The following PPP2R3B variants were observed in gnomAD, a reference collection of about 807,000 sequenced individuals.
PPP2R3B encodes serine/threonine-protein phosphatase 2A regulatory subunit B'' subunit beta.
Under a neutral mutation model 72.9 loss-of-function variants are expected in PPP2R3B, and 68 were observed. That is an observed-to-expected ratio of 0.93 (90% CI 0.77 to 1.14). The LOEUF (loss-of-function observed/expected upper bound fraction) is 1.14, where lower values mean the gene tolerates loss of function less well. PPP2R3B is among the 50% of genes most tolerant of loss of function. The pLI, the probability that PPP2R3B is intolerant of heterozygous loss-of-function variation, is 0.00. For synonymous variants in PPP2R3B, 466 were observed against 375.8 expected (o/e 1.24, Z -2.78); for missense variants, 1,018 against 842.0 (o/e 1.21, Z -2.59).
intron 1 of PPP2R3B, among the ~76,000 whole-genome samples, chrX:372,693 T>TGGGTG (rs2071892225): frequency 6.6e-6 from 1 of 152,200 alleles, no homozygotes; most frequent in Non-Finnish European, 1.5e-5. Flanking sequence ...GGGTGGAGGC[T>TGGGTG]CACGCCCCTA....
chrX:363,643 GTCATCTCCCTGTGCCCACC>G (rs2071608586), intron 1 of PPP2R3B, among the ~76,000 whole-genome samples: 4 of 4,942 alleles, frequency 8.1e-4, no homozygotes, highest in African/African-American at 6.1e-4. Context: ...CCATCCCACA[GTCATCTCCCTGTGCCCACC>G]ATCCCACAAT....
At chrX:337,911 C>T (rs2070934477) in intron 12 of PPP2R3B, 1 of 154,482 alleles carries the variant, frequency 6.5e-6, no homozygotes, top group Non-Finnish European at 1.4e-5. Context: ...GGGAAGGTTA[C>T]TCAAGAGGAC....
chrX:341,681 C>T lies in PPP2R3B; in HGVS notation c.1085+202G>A. 9 of 693,698 alleles carry T rather than the reference C, an allele frequency of 1.3e-5. 1 individual carries two copies. Among genetic ancestry groups the T allele is most frequent in the Middle Eastern group, 8.1e-4 (2 of 2,474 alleles). 43.0% of individuals were successfully genotyped at this position (693,698 alleles called of 1,614,324 possible). On this transcript the variant is annotated intron_variant, in intron 8 of 12. Transcript: ENST00000390665. The stretch of plus-strand genomic sequence containing the variant: ...ACCTGGGGCCTGGGCCACCCCCTTC[C>T]TCAGACTTCGCGTGACAGTCTTGTG...
rs973955165 is a variant in PPP2R3B at position 371,958 on chromosome X, C to T, written c.325-10368G>A. Among the ~76,000 whole-genome samples the T allele has an allele frequency of 2.0e-5, 3 of 152,216 alleles. No individual in the cohort carries two copies. The East Asian group carries it at 5.8e-4, about 29-fold the overall frequency. On this transcript the variant is annotated intron_variant, in intron 1 of 12. Coordinates refer to ENST00000390665, the MANE Select transcript of PPP2R3B (RefSeq NM_013239.5). ...GAAGCAAACTTCTGTAAACGGAATTCATGATTTCCCAGAAACTGACTTTTT... is the reference window on the plus strand; with the variant it reads ...GAAGCAAACTTCTGTAAACGGAATTTATGATTTCCCAGAAACTGACTTTTT...
intron 1 of PPP2R3B, among the ~76,000 whole-genome samples, chrX:379,324 C>CACCTGTTATGCACCT (rs1569418308): frequency 8.9e-4 from 126 of 142,086 alleles, no homozygotes; most frequent in African/African-American, 3.5e-3. Context: ...TGTGTGTATG[C>CACCTGTTATGCACCT]GTGTGTATGC....
At chrX:345,083 A>C in intron 7 of PPP2R3B, 1 of 450,008 alleles carries the variant, frequency 2.2e-6, no homozygotes, top group Non-Finnish European at 4.4e-6. Context: ...GCGGAGGTAT[A>C]TGAACGACCG....
At position 380,210 on chromosome X, in the gene PPP2R3B, A is replaced by G. The variant is rs1339986652; in HGVS notation, c.324+6158T>C. ...TAAGACACAAAAAATAAGAGTCATA[A>G]AAGAAAAAAGTTGAAAAACTAAACA... On this transcript the variant is annotated intron_variant, in intron 1 of 12. Transcript: ENST00000390665. 2.6e-5 allele frequency among the ~76,000 whole-genome samples: 4 copies of G among 152,230 alleles called. No individual in the cohort carries two copies. In the South Asian group the frequency reaches 6.2e-4, roughly 24 times the overall value.
chrX:346,041 A>AGGGGGGGGTGGG (rs2071198939), intron 6 of PPP2R3B, 133 bp downstream of exon 6: 2 of 465,524 alleles, frequency 4.3e-6, no homozygotes, highest in East Asian at 3.7e-5. Flanking sequence ...AGCGCGGTGG[A>AGGGGGGGGTGGG]GGTGGGGGTG....
chrX:379,774 C>G (rs2072084771), intron 1 of PPP2R3B, among the ~76,000 whole-genome samples: 2 of 152,156 alleles, frequency 1.3e-5, no homozygotes, highest in South Asian at 4.1e-4. Context: ...CTAAATTGAT[C>G]CACAGATTCA....
At chrX:381,789 A>G (rs914677297) in intron 1 of PPP2R3B, among the ~76,000 whole-genome samples, 18 of 151,768 alleles carry the variant, frequency 1.2e-4, no homozygotes, top group Middle Eastern at 3.2e-3. Context: ...TAGTAGAGAC[A>G]GGGTTTCACT....
chrX:341,019 C>T, intron 9 of PPP2R3B, 79 bp from the exon 10 acceptor site: 2 of 1,540,888 alleles, frequency 1.3e-6, no homozygotes, highest in Admixed American at 1.8e-5. Flanking sequence ...GCAGCCCCCA[C>T]CGGGGGTGCA....
At chrX:379,398 G>C (rs889767763) in intron 1 of PPP2R3B, among the ~76,000 whole-genome samples, 3 of 151,266 alleles carry the variant, frequency 2.0e-5, no homozygotes, top group Admixed American at 6.6e-5. Flanking sequence ...ACCTATGTGT[G>C]TATGCACCTA....
Position 338,588 on chromosome X carries a change from C to A in PPP2R3B, c.1577+16G>T, listed in dbSNP as rs199622157. On this transcript the variant is annotated intron_variant, in intron 12 of 12. Coordinates refer to ENST00000390665, the MANE Select transcript of PPP2R3B (RefSeq NM_013239.5). ...CCACTGACCCGTCCCCCCACTCACC[C>A]GTCCTCCCCACTCACCCGTCCTCCC... 6.3e-7 allele frequency: 1 copy of A among 1,584,558 alleles called. No homozygotes were observed. The highest frequency in any genetic ancestry group is 8.6e-7 in the Non-Finnish European group (1 of 1,165,682).
chrX:334,075 CCA>C lies in PPP2R3B; in HGVS notation c.*290_*291del, dbSNP rs1296187467. The stretch of plus-strand genomic sequence containing the variant: ...ACCGTTGTGCGCACACGGACCCTTT[CCA>C]CAGACGCAGGCCCCGGAACCCAGGC... On this transcript the variant is annotated 3_prime_UTR_variant, in exon 13 of 13. Transcript: ENST00000390665. 1 of 326,870 alleles carries C rather than the reference CCA, an allele frequency of 3.1e-6. No individual in the cohort carries two copies. Among genetic ancestry groups the C allele is most frequent in the African/African-American group, 2.2e-5 (1 of 46,180 alleles). 20.2% of individuals were successfully genotyped at this position (326,870 alleles called of 1,614,324 possible).
chrX:351,057 G>A (rs1369988182), intron 2 of PPP2R3B, among the ~76,000 whole-genome samples: 1 of 152,190 alleles, frequency 6.6e-6, no homozygotes, highest in Admixed American at 6.5e-5. Flanking sequence ...CCACAGCGGG[G>A]ATTGCAGTGC....
chrX:335,824 A>G (rs2070874467), intron 12 of PPP2R3B: 1 of 152,176 alleles, frequency 6.6e-6, no homozygotes, highest in South Asian at 2.1e-4. Flanking sequence ...AAATACCAAC[A>G]ATAACCCACT....
intron 10 of PPP2R3B, among the ~76,000 whole-genome samples, chrX:339,276 G>GT (rs1046993452): frequency 3.3e-5 from 5 of 150,042 alleles, no homozygotes; most frequent in African/African-American, 4.9e-5. Context: ...CATGGCCGGG[G>GT]GGGGCAGGGC....
chrX:363,925 T>A (rs961939557), intron 1 of PPP2R3B, among the ~76,000 whole-genome samples: 1 of 152,248 alleles, frequency 6.6e-6, no homozygotes, highest in Non-Finnish European at 1.5e-5. Context: ...CCAACCTTCC[T>A]GATGAAAACT....
At position 386,475 on chromosome X, in the gene PPP2R3B, G is replaced by A. The variant is rs769393589; in HGVS notation, c.217C>T (p.Pro73Ser). Residue 73 changes from proline (P) to serine (S), a missense_variant, in exon 1 of 13, where the codon CCC becomes TCC. Transcript: ENST00000390665. ...LAAPRPSGLE[P>S]PGTPGPGPAL... ...GGGCCCGGCCCGGGGGTTCCCGGGG[G>A]TTCGAGCCCGCTGGGCCGGGGGGCG... The A allele has an allele frequency of 1.5e-4, 197 of 1,284,282 alleles. 4 individuals carry two copies. In the East Asian group the frequency reaches 5.8e-3, roughly 38 times the overall value. The allele number at this position is 1,284,282 out of a possible 1,614,324, so 79.6% of individuals were successfully genotyped here.
Sources: allele counts gnomAD v4.1 joint callset (sites outside exome capture counted in the v4.1 genomes callset), GRCh38; gene constraint gnomAD v4.1.1; transcripts MANE v1.5; gene names NCBI Gene and HGNC (gene_info 2026-07-23, HGNC 2026-07-21).